Variants in TENM2 observed in about 807,000 individuals in gnomAD.
TENM2 encodes the protein teneurin-2.
In TENM2, 52 loss-of-function variants were observed where a neutral mutation model predicts 245.2. The observed-to-expected ratio is 0.21, with a 90% CI of 0.17 to 0.27. TENM2 has a LOEUF of 0.27. TENM2 is among the 10% of genes least tolerant of loss of function. The pLI is 1.00. For missense variants in TENM2, 3,046 were observed against 3,666.8 expected (o/e 0.83, Z 4.37); for synonymous variants, 1,363 against 1,438.9 (o/e 0.95, Z 1.19).
intron 6 of TENM2, among the ~76,000 whole-genome samples, chr5:168,052,859 G>GA (rs1301543595): frequency 2.0e-5 from 3 of 152,086 alleles, no homozygotes; most frequent in African/African-American, 7.2e-5. Context: ...ATGCAAGTTG[G>GA]AAAAAAATGG....
chr5:167,899,258 C>T (rs909453431), intron 3 of TENM2, among the ~76,000 whole-genome samples: 13 of 151,994 alleles, frequency 8.6e-5, no homozygotes, highest in African/African-American at 2.2e-4. Flanking sequence ...AGAAGAGTCA[C>T]GTTAATGTCG....
chr5:167,253,361 G>T, the TENM2 span, among the ~76,000 whole-genome samples: 1 of 150,978 alleles, frequency 6.6e-6, no homozygotes, highest in Admixed American at 6.6e-5. Context: ...GCCTCCCAAA[G>T]TGCTGGGATT....
intron 2 of TENM2, among the ~76,000 whole-genome samples, chr5:167,758,430 AAG>A (rs984960935): frequency 6.6e-6 from 1 of 152,144 alleles, no homozygotes; most frequent in Non-Finnish European, 1.5e-5. Flanking sequence ...TAGAAGGTGG[AAG>A]AGAGAGAGGC....
chr5:167,891,521 G>T (rs966386107), intron 3 of TENM2, among the ~76,000 whole-genome samples: 3 of 152,150 alleles, frequency 2.0e-5, no homozygotes, highest in African/African-American at 7.2e-5. Flanking sequence ...TAGGGATCCT[G>T]GACCCAATAT....
At chr5:168,040,513 T>A (rs573682270) in intron 5 of TENM2, among the ~76,000 whole-genome samples, 1 of 152,316 alleles carries the variant, frequency 6.6e-6, no homozygotes, top group Admixed American at 6.5e-5. Context: ...TTCCATGCAG[T>A]GCTTTGAAAA....
At chr5:167,035,417 T>G in the TENM2 span, among the ~76,000 whole-genome samples, 1 of 152,244 alleles carries the variant, frequency 6.6e-6, no homozygotes, top group African/African-American at 2.4e-5. Flanking sequence ...CATGTTTTAG[T>G]GCATCTGCTT....
chr5:167,881,006 A>T (rs1318728750), intron 3 of TENM2, among the ~76,000 whole-genome samples: 1 of 152,168 alleles, frequency 6.6e-6, no homozygotes, highest in Non-Finnish European at 1.5e-5. Context: ...TCCTCTCATG[A>T]AAACTTCAGG....
chr5:167,179,161 A>G, the TENM2 span, among the ~76,000 whole-genome samples: 31 of 152,322 alleles, frequency 2.0e-4, no homozygotes, highest in African/African-American at 6.5e-4. Flanking sequence ...ACATGGAAAC[A>G]TATTTTTAAT....
intron 2 of TENM2, among the ~76,000 whole-genome samples, chr5:167,629,144 G>A (rs781373011): frequency 2.6e-5 from 4 of 152,104 alleles, no homozygotes; most frequent in Non-Finnish European, 4.4e-5. Flanking sequence ...GCATATGTGT[G>A]GTAGAACAAG....
the TENM2 span, among the ~76,000 whole-genome samples, chr5:167,018,253 G>T: frequency 1.3e-5 from 2 of 152,064 alleles, no homozygotes. Context: ...ATCAGTTTAG[G>T]TGTTTCATTG....
At chr5:167,805,146 G>A (rs768921684) in intron 2 of TENM2, among the ~76,000 whole-genome samples, 1 of 152,076 alleles carries the variant, frequency 6.6e-6, no homozygotes, top group Non-Finnish European at 1.5e-5. Context: ...GCGTAAGAGG[G>A]GCATTGTCTG....
intron 6 of TENM2, 46 bp from the exon 9 acceptor site, chr5:168,062,014 T>G: frequency 6.6e-7 from 1 of 1,521,014 alleles, no homozygotes; most frequent in Non-Finnish European, 8.9e-7. Context: ...AGCCAACTAA[T>G]CTATACACGT....
chr5:168,055,315 A>G (rs1416057026), intron 6 of TENM2, among the ~76,000 whole-genome samples: 7 of 152,208 alleles, frequency 4.6e-5, no homozygotes, highest in Non-Finnish European at 1.0e-4. Flanking sequence ...TGAATGGCCC[A>G]CCCAACATTG....
the TENM2 span, among the ~76,000 whole-genome samples, chr5:167,193,548 AT>A: frequency 4.6e-5 from 7 of 151,902 alleles, no homozygotes; most frequent in African/African-American, 1.7e-4. Context: ...TGGCTTCTCT[AT>A]TTTTTACATA....
intron 13 of TENM2, among the ~76,000 whole-genome samples, chr5:168,173,639 A>G (rs981052405): frequency 6.6e-6 from 1 of 152,088 alleles, no homozygotes; most frequent in African/African-American, 2.4e-5. Flanking sequence ...TATTCATCCA[A>G]CAAACATATA....
intron 2 of TENM2, among the ~76,000 whole-genome samples, chr5:167,664,270 C>T (rs60855331): frequency 0.033 from 5,035 of 152,162 alleles, 279 homozygotes; most frequent in African/African-American, 0.11. Flanking sequence ...GATAGGCCTG[C>T]GATTATGTAT....
intron 2 of TENM2, among the ~76,000 whole-genome samples, chr5:167,399,724 G>A (rs1477749291): frequency 6.6e-6 from 1 of 152,110 alleles, no homozygotes; most frequent in Non-Finnish European, 1.5e-5. Context: ...TGACTTTATT[G>A]TGAAGAGTAA....
chr5:167,506,188 G>A (rs1001327053), intron 2 of TENM2, among the ~76,000 whole-genome samples: 1 of 152,148 alleles, frequency 6.6e-6, no homozygotes, highest in Non-Finnish European at 1.5e-5. Context: ...GCTCCATCAT[G>A]TGTTTTCCAT....
chr5:167,391,993 G>A (rs548290198), intron 2 of TENM2, among the ~76,000 whole-genome samples: 1 of 152,250 alleles, frequency 6.6e-6, no homozygotes, highest in African/African-American at 2.4e-5. Context: ...ACTGAAATCA[G>A]TGGTTTGCAG....
Sources: allele counts gnomAD v4.1 joint callset (sites outside exome capture counted in the v4.1 genomes callset), GRCh38; gene constraint gnomAD v4.1.1; transcripts MANE v1.5; gene names NCBI Gene and HGNC (gene_info 2026-07-23, HGNC 2026-07-21).